Variants in SCRN1 observed in about 807,000 individuals in gnomAD.
SCRN1 encodes secernin 1, also known as secernin-1.
Under a neutral mutation model 43.3 loss-of-function variants are expected in SCRN1, and 19 were observed. The ratio of observed to expected loss-of-function variants is 0.44; its 90% CI spans 0.31 to 0.64. The LOEUF is 0.64. Among genes scored for constraint, SCRN1 ranks in the 30% least tolerant of loss-of-function variants. The pLI is 0.09. For synonymous variants in SCRN1, 183 were observed against 188.9 expected (o/e 0.97, Z 0.26); for missense variants, 447 against 524.1 (o/e 0.85, Z 1.44).
At chr7:29,951,904 T>C (rs1434258233) in intron 3 of SCRN1, among the ~76,000 whole-genome samples, 1 of 152,188 alleles carries the variant, frequency 6.6e-6, no homozygotes, top group Non-Finnish European at 1.5e-5. Context: ...AGTACCAGGA[T>C]AAGTATAGGG....
intron 7 of SCRN1, among the ~76,000 whole-genome samples, chr7:29,925,571 G>A (rs62459563): frequency 6.6e-6 from 1 of 152,148 alleles, no homozygotes; most frequent in Non-Finnish European, 1.5e-5. Context: ...AGTCCATCGG[G>A]GTGGCTGCTG....
chr7:29,958,217 C>A (rs1244975769), intron 2 of SCRN1, among the ~76,000 whole-genome samples: 1 of 152,132 alleles, frequency 6.6e-6, no homozygotes, highest in Admixed American at 6.5e-5. Flanking sequence ...GACAGCCATT[C>A]ACACCTGCTC....
At position 29,969,055 on chromosome 7, in the gene SCRN1, G is replaced by T; in HGVS notation, c.13C>A (p.Pro5Thr). ...AAGGCAACAAAACAGTAACTTGGAGGAGCTGCAGCCATCCTGAAAAGAGAA... is the reference window on the plus strand; with the variant it reads ...AAGGCAACAAAACAGTAACTTGGAGTAGCTGCAGCCATCCTGAAAAGAGAA... MAAAPPSYCFVAFPP... is the reference protein window; with the variant it reads MAAATPSYCFVAFPP... Residue 5 changes from proline (P) to threonine (T), a missense_variant, in exon 2 of 8, where the codon CCT (proline) becomes ACT (threonine). Transcript: ENST00000242059. 6.2e-7 allele frequency: 1 copy of T among 1,613,216 alleles called. No homozygotes were observed. The highest frequency in any genetic ancestry group is 8.5e-7 in the Non-Finnish European group (1 of 1,179,640).
intron 7 of SCRN1, among the ~76,000 whole-genome samples, chr7:29,925,333 T>C (rs1160038760): frequency 6.6e-6 from 1 of 152,220 alleles, no homozygotes; most frequent in Admixed American, 6.5e-5. Context: ...GATTTATTGC[T>C]TGGATTTTTC....
chr7:29,958,956 G>T (rs896502697), intron 2 of SCRN1, among the ~76,000 whole-genome samples: 1 of 152,212 alleles, frequency 6.6e-6, no homozygotes, highest in East Asian at 1.9e-4. Context: ...TAGGTTGGAG[G>T]ATAGAAAACA....
chr7:29,971,335 G>C (rs1278607551), intron 1 of SCRN1, among the ~76,000 whole-genome samples: 1 of 152,106 alleles, frequency 6.6e-6, no homozygotes, highest in Non-Finnish European at 1.5e-5. Flanking sequence ...CATAAGTATA[G>C]GATACTTTAT....
At position 29,965,387 on chromosome 7, in the gene SCRN1, C is replaced by A. The variant is rs1226747921; in HGVS notation, c.159+3522G>T. ...AAGATTGTAGCAGAAAAGAGATGGA[C>A]TCAGTCTGAACGAGTCAGGGGCAGC... On this transcript the variant is annotated intron_variant, in intron 2 of 7. Coordinates refer to ENST00000242059, the MANE Select transcript of SCRN1 (RefSeq NM_014766.5). The surrounding 1 kb of genome is among the most constrained non-coding windows in gnomAD (Gnocchi z 4.2). Among the ~76,000 whole-genome samples the A allele has an allele frequency of 3.9e-5, 6 of 152,114 alleles. No individual in the cohort carries two copies. The highest frequency in any genetic ancestry group is 3.9e-4 in the Admixed American group (6 of 15,268).
chr7:29,972,216 G>A (rs559058419), intron 1 of SCRN1, among the ~76,000 whole-genome samples: 1 of 152,282 alleles, frequency 6.6e-6, no homozygotes, highest in African/African-American at 2.4e-5. Context: ...AGACCCAGAG[G>A]AAGATAAGAT....
intron 2 of SCRN1, among the ~76,000 whole-genome samples, chr7:29,960,848 A>G (rs920640381): frequency 2.0e-5 from 3 of 152,120 alleles, no homozygotes; most frequent in Non-Finnish European, 2.9e-5. Flanking sequence ...CTCAGAGAGG[A>G]TACCTATTTA....
intron 1 of SCRN1, among the ~76,000 whole-genome samples, chr7:29,985,126 G>A (rs1167565002): frequency 7.0e-6 from 1 of 143,728 alleles, no homozygotes; most frequent in African/African-American, 2.6e-5. Flanking sequence ...AGGAGACTGG[G>A]CTGGGCGCGG....
intron 3 of SCRN1, 39 bp downstream of exon 3, chr7:29,955,140 T>C (rs766331807): frequency 1.3e-6 from 2 of 1,575,482 alleles, no homozygotes; most frequent in Non-Finnish European, 1.7e-6. Context: ...ATTTCCAACC[T>C]TTTCTAGGAA....
chr7:29,989,488 G>A (rs1007630136), intron 1 of SCRN1, among the ~76,000 whole-genome samples, 154 bp downstream of exon 1: 1 of 152,210 alleles, frequency 6.6e-6, no homozygotes, highest in Non-Finnish European at 1.5e-5. Flanking sequence ...CAGCCCGCCC[G>A]GGCCAGCACC....
chr7:29,980,531 TA>T (rs952342802), intron 1 of SCRN1, among the ~76,000 whole-genome samples: 8 of 152,098 alleles, frequency 5.3e-5, no homozygotes, highest in African/African-American at 1.9e-4. Flanking sequence ...AACTGGGATT[TA>T]AAAAAAATTT....
chr7:29,924,990 C>T (rs1297921459), intron 7 of SCRN1, among the ~76,000 whole-genome samples: 2 of 152,302 alleles, frequency 1.3e-5, no homozygotes, highest in East Asian at 3.9e-4. Context: ...GAACACACAG[C>T]CCTTTCTACC....
intron 3 of SCRN1, among the ~76,000 whole-genome samples, chr7:29,946,728 T>A: frequency 6.6e-6 from 1 of 152,208 alleles, no homozygotes; most frequent in South Asian, 2.1e-4. Flanking sequence ...GCCAGGACCA[T>A]GGGTCAGAGA....
At chr7:29,972,953 T>C (rs1393563751) in intron 1 of SCRN1, among the ~76,000 whole-genome samples, 3 of 152,192 alleles carry the variant, frequency 2.0e-5, no homozygotes, top group Non-Finnish European at 1.5e-5. Flanking sequence ...AGAAACTCCA[T>C]TGGACGGGAC....
chr7:29,953,994 A>G (rs1788044907), intron 3 of SCRN1, among the ~76,000 whole-genome samples: 1 of 152,188 alleles, frequency 6.6e-6, no homozygotes, highest in Admixed American at 6.5e-5. Flanking sequence ...TCTTCTTTCA[A>G]CTATGTCATG....
At chr7:29,953,909 G>A (rs552498140) in intron 3 of SCRN1, among the ~76,000 whole-genome samples, 13 of 152,230 alleles carry the variant, frequency 8.5e-5, no homozygotes, top group Admixed American at 1.3e-4. Flanking sequence ...AAAAAATGAG[G>A]AAACTGTGGC....
intron 2 of SCRN1, among the ~76,000 whole-genome samples, chr7:29,968,036 T>C (rs1049464853): frequency 1.9e-4 from 29 of 152,240 alleles, no homozygotes; most frequent in Non-Finnish European, 1.5e-4. Context: ...CCCAGCAATT[T>C]CATTTCTAGG....
Sources: allele counts gnomAD v4.1 joint callset (sites outside exome capture counted in the v4.1 genomes callset), GRCh38; gene constraint gnomAD v4.1.1; non-coding constraint Gnocchi (gnomAD v3.1); transcripts MANE v1.5; gene names NCBI Gene and HGNC (gene_info 2026-07-23, HGNC 2026-07-21).